The following CDC37 variants were observed in gnomAD, a reference collection of about 807,000 sequenced individuals.
CDC37 encodes hsp90 co-chaperone Cdc37.
Under a neutral mutation model 46.9 loss-of-function variants are expected in CDC37, and 9 were observed. That is an observed-to-expected ratio of 0.19 (90% CI 0.12 to 0.33). CDC37 has a LOEUF of 0.33. Ranked by LOEUF, CDC37 falls within the 10% of genes least tolerant of loss-of-function variation. CDC37 has a pLI of 1.00. For missense variants in CDC37, 388 were observed against 514.6 expected (o/e 0.75, Z 2.38); for synonymous variants, 193 against 191.0 (o/e 1.01, Z -0.09).
Position 10,401,518 on chromosome 19 carries a change from T to A in CDC37, c.102+1860A>T, listed in dbSNP as rs555551260. The stretch of plus-strand genomic sequence containing the variant: ...GATTAACCTCTTTATGTGACAGAAA[T>A]AGGTCTTCCCAAGAATAGTCTTTGG... On this transcript the variant is annotated intron_variant, in intron 1 of 7. Transcript: ENST00000222005. Among the ~76,000 whole-genome samples, 79 of 152,304 alleles carry A rather than the reference T, an allele frequency of 5.2e-4. 1 individual carries two copies. Among genetic ancestry groups the A allele is most frequent in the Middle Eastern group, 3.4e-3 (1 of 294 alleles).
chr19:10,391,449 G>T lies in CDC37; in HGVS notation c.*102C>A, dbSNP rs897216238. On this transcript the variant is annotated 3_prime_UTR_variant, in exon 8 of 8. Coordinates refer to ENST00000222005, the MANE Select transcript of CDC37 (RefSeq NM_007065.4). ...GGCCCCCCAGGCTGGGCCGAGCAGC[G>T]CAAGTAGAGGAAGTCAGGAGCGGGC... 1.2e-5 allele frequency: 17 copies of T among 1,443,830 alleles called. No homozygotes were observed. Among genetic ancestry groups the T allele is most frequent in the Middle Eastern group, 1.8e-4 (1 of 5,544 alleles). The allele number at this position is 1,443,830 out of a possible 1,614,324, so 89.4% of individuals were successfully genotyped here. A position where few individuals can be genotyped will look rare whatever the true frequency, so the allele number is the denominator to read the frequency against.
Position 10,393,202 on chromosome 19 carries a change from C to T in CDC37, c.910-45G>A, listed in dbSNP as rs372791909. 3.2e-4 allele frequency: 510 copies of T among 1,612,340 alleles called. No homozygotes were observed. The highest frequency in any genetic ancestry group is 3.9e-4 in the Non-Finnish European group (463 of 1,178,696). On this transcript the variant is annotated intron_variant, in intron 6 of 7. Transcript: ENST00000222005. The surrounding 1 kb of genome is among the most constrained non-coding windows in gnomAD (Gnocchi z 4.9). ...GGGGTCAGGGGCTGGGTCCCTGTGG[C>T]CCTGGGGGGTCCCGCTCAGGGTCTT...
chr19:10,395,904 GCCCGC>G lies in CDC37; in HGVS notation c.378+19_378+23del. 5 of 1,541,704 alleles carry G rather than the reference GCCCGC, an allele frequency of 3.2e-6. No homozygotes were observed. Among genetic ancestry groups the G allele is most frequent in the Non-Finnish European group, 4.4e-6 (5 of 1,128,724 alleles). On this transcript the variant is annotated intron_variant, in intron 2 of 7. Coordinates refer to ENST00000222005, the MANE Select transcript of CDC37 (RefSeq NM_007065.4). ...GGCTCTCTGGCTGCGCATGCGCACT[GCCCGC>G]CCCGCCCGCCCCGCACACCTTGCTG...
Position 10,393,091 on chromosome 19 carries a change from G to A in CDC37, c.976C>T (p.Pro326Ser). 8.7e-6 allele frequency: 14 copies of A among 1,613,858 alleles called. No individual in the cohort carries two copies. The highest frequency in any genetic ancestry group is 1.1e-5 in the Non-Finnish European group (13 of 1,179,792). Residue 326 changes from proline (P) to serine (S), a missense_variant, in exon 7 of 8, where the codon CCC (proline) becomes TCC (serine). By Grantham distance (74) the Pro-to-Ser change is moderately conservative. Coordinates refer to ENST00000222005, the MANE Select transcript of CDC37 (RefSeq NM_007065.4). The surrounding 1 kb of genome is among the most constrained non-coding windows in gnomAD (Gnocchi z 4.9). ...GGGGCGCGGGGGTTACTCACGGTGG[G>A]GTCCATCTTGCTGATGGCGTCCTGC... ...MLQDAISKMD[P>S]TDAKYHMQRC...
intron 7 of CDC37, chr19:10,392,665 T>C (rs1258047674): frequency 1.6e-5 from 3 of 190,522 alleles, no homozygotes; most frequent in Non-Finnish European, 1.1e-5. Context: ...GCCTGGGAGG[T>C]CGAGACTGCA....
At chr19:10,392,962 C>A (rs2042465743) in intron 7 of CDC37, 124 bp downstream of exon 7, 1 of 797,570 alleles carries the variant, frequency 1.3e-6, no homozygotes, top group Non-Finnish European at 2.2e-6. Flanking sequence ...GTGACACGAC[C>A]CCCCTTACTC....
chr19:10,395,799 C>T (rs1178860155), intron 2 of CDC37, 129 bp downstream of exon 2: 4 of 883,192 alleles, frequency 4.5e-6, no homozygotes, highest in African/African-American at 1.7e-5. Flanking sequence ...CTCAGCTCCC[C>T]GCCCCCCACC....
In CDC37 at chr19:10,395,227, C is replaced by T; in HGVS notation, c.603+1G>A. The T allele has an allele frequency of 6.2e-7, 1 of 1,614,116 alleles. No homozygotes were observed. The highest frequency in any genetic ancestry group is 8.5e-7 in the Non-Finnish European group (1 of 1,179,992). On this transcript the variant is annotated splice_donor_variant, in intron 4 of 7. Coordinates refer to ENST00000222005, the MANE Select transcript of CDC37 (RefSeq NM_007065.4). LOFTEE classifies it high-confidence loss of function. The stretch of plus-strand genomic sequence containing the variant: ...ACAGTCCCGGGGAAAGCTCCACTCA[C>T]CTCCTCCACCTCTAGGTCAATGCAC...
At position 10,396,655 on chromosome 19, in the gene CDC37, G is replaced by A. The variant is rs75184451; in HGVS notation, c.103-452C>T. ...CCCAATGATGACATACTGCAGCCTCGACCTCCCTGGGCTCAGGCGATCCTC... is the reference window on the plus strand; with the variant it reads ...CCCAATGATGACATACTGCAGCCTCAACCTCCCTGGGCTCAGGCGATCCTC... On this transcript the variant is annotated intron_variant, in intron 1 of 7. Transcript: ENST00000222005. This position sits in a 1 kb window ranked among gnomAD's most constrained non-coding sequence, Gnocchi z 5.9. 0.12 allele frequency among the ~76,000 whole-genome samples: 18,441 copies of A among 151,998 alleles called. 1,282 individuals carry two copies. Among genetic ancestry groups the A allele is most frequent in the Middle Eastern group, 0.18 (52 of 294 alleles).
Position 10,393,152 on chromosome 19 carries a change from G to C in CDC37, c.915C>G (p.Leu305=). Residue 305 remains leucine (L), a synonymous_variant, in exon 7 of 8, where the codon CTC becomes CTG. Coordinates refer to ENST00000222005, the MANE Select transcript of CDC37 (RefSeq NM_007065.4). This position sits in a 1 kb window ranked among gnomAD's most constrained non-coding sequence, Gnocchi z 4.9. The stretch of plus-strand genomic sequence containing the variant: ...CGTCCTTCACATCGAAGCACTTCTG[G>C]AGTTCCTGGGGGTACAGAGGGGCTG... ...VEVYESLPEE[L]QKCFDVKDVQ... The C allele has an allele frequency of 6.2e-7, 1 of 1,614,020 alleles. No homozygotes were observed. Among genetic ancestry groups the C allele is most frequent in the Non-Finnish European group, 8.5e-7 (1 of 1,179,960 alleles).
At chr19:10,402,637 A>T (rs1295536200) in intron 1 of CDC37, among the ~76,000 whole-genome samples, 2 of 152,122 alleles carry the variant, frequency 1.3e-5, no homozygotes, top group Admixed American at 6.6e-5. Flanking sequence ...ATAATGGGAA[A>T]TGGGTCTACC....
chr19:10,397,315 T>G (rs1276086303), intron 1 of CDC37, among the ~76,000 whole-genome samples: 1 of 151,356 alleles, frequency 6.6e-6, no homozygotes, highest in Non-Finnish European at 1.5e-5. Flanking sequence ...TAGAGTGCAG[T>G]GGTGTGATAA....
At chr19:10,394,871 C>T in intron 5 of CDC37, 150 bp downstream of exon 5, 1 of 852,212 alleles carries the variant, frequency 1.2e-6, no homozygotes, top group Non-Finnish European at 1.7e-6. Context: ...CACTTCTCTC[C>T]TCCTCCCTGG....
chr19:10,402,956 G>C (rs751238633), intron 1 of CDC37, among the ~76,000 whole-genome samples: 9 of 151,914 alleles, frequency 5.9e-5, no homozygotes, highest in Admixed American at 3.9e-4. Flanking sequence ...CTACGGAGGT[G>C]GGGGGGCGAT....
chr19:10,399,122 G>T (rs1245748293), intron 1 of CDC37, among the ~76,000 whole-genome samples: 1 of 152,136 alleles, frequency 6.6e-6, no homozygotes, highest in Non-Finnish European at 1.5e-5. Flanking sequence ...TACCCCAGGG[G>T]ACTGACACAG....
intron 7 of CDC37, among the ~76,000 whole-genome samples, chr19:10,392,046 C>A (rs1011724310): frequency 3.3e-5 from 5 of 152,212 alleles, no homozygotes; most frequent in African/African-American, 4.8e-5. Context: ...AGGTGATCTG[C>A]CTGCCTTGGC....
At position 10,393,056 on chromosome 19, in the gene CDC37, G is replaced by A. The variant is rs765649258; in HGVS notation, c.981+30C>T. 39 of 1,601,782 alleles carry A rather than the reference G, an allele frequency of 2.4e-5. No individual in the cohort carries two copies. Among genetic ancestry groups the A allele is most frequent in the South Asian group, 1.7e-4 (15 of 90,854 alleles). On this transcript the variant is annotated intron_variant, in intron 7 of 7. Coordinates refer to ENST00000222005, the MANE Select transcript of CDC37 (RefSeq NM_007065.4). The surrounding 1 kb of genome is among the most constrained non-coding windows in gnomAD (Gnocchi z 4.9). ...GGCTGGGGGAGACACACGGCCCGCC[G>A]GGAAGGCATGGGGCGCGGGGGTTAC...
chr19:10,395,891 G>C, intron 2 of CDC37, 37 bp downstream of exon 2: 1 of 1,599,254 alleles, frequency 6.3e-7, no homozygotes, highest in Non-Finnish European at 8.5e-7. Flanking sequence ...CTCTCTGGCT[G>C]CGCATGCGCA....
In CDC37 at chr19:10,396,109, C is replaced by G; in HGVS notation, c.197G>C (p.Arg66Thr). 6.2e-7 allele frequency: 1 copy of G among 1,614,122 alleles called. No individual in the cohort carries two copies. Among genetic ancestry groups the G allele is most frequent in the Non-Finnish European group, 8.5e-7 (1 of 1,180,002 alleles). Residue 66 changes from arginine to threonine, a missense_variant, in exon 2 of 8, where the codon AGG (arginine) becomes ACG (threonine). Arg to Thr is a moderately conservative substitution (Grantham distance 71, BLOSUM62 -1). Transcript: ENST00000222005. This position sits in a 1 kb window ranked among gnomAD's most constrained non-coding sequence, Gnocchi z 5.9. The stretch of plus-strand genomic sequence containing the variant: ...GGCCACCTCCAGCTCCTTCAGTTTC[C>G]TCTGGCACTCGGCCACCTTGCGCTT... The part of the protein sequence containing the change: ...ECKRKVAECQ[R>T]KLKELEVAEG...
Sources: allele counts gnomAD v4.1 joint callset (sites outside exome capture counted in the v4.1 genomes callset), GRCh38; gene constraint gnomAD v4.1.1; non-coding constraint Gnocchi (gnomAD v3.1); transcripts MANE v1.5; gene names NCBI Gene and HGNC (gene_info 2026-07-23, HGNC 2026-07-21).